RELN: variants seen among roughly 807,000 people sequenced by gnomAD.
The protein encoded by RELN is reelin.
In RELN, 108 loss-of-function variants were observed where a neutral mutation model predicts 427.6. The ratio of observed to expected loss-of-function variants is 0.25; its 90% CI spans 0.22 to 0.30. The LOEUF (loss-of-function observed/expected upper bound fraction) is 0.30. Among genes scored for constraint, RELN ranks in the 10% least tolerant of loss-of-function variants. RELN has a pLI of 1.00. For synonymous variants in RELN, 1,524 were observed against 1,513.4 expected, an observed-to-expected ratio of 1.01 and a Z score of -0.16; for missense variants, 3,715 against 4,302.8, an observed-to-expected ratio of 0.86 and a Z score of 3.82.
At chr7:103,869,731 T>C (rs914126771) in intron 2 of RELN, among the ~76,000 whole-genome samples, 1 of 152,162 alleles carries the variant, frequency 6.6e-6, no homozygotes, top group African/African-American at 2.4e-5. Flanking sequence ...ATGAATTTCT[T>C]TGTGACAAAA....
intron 31 of RELN, among the ~76,000 whole-genome samples, chr7:103,570,174 C>A (rs1031447189): frequency 2.0e-5 from 3 of 152,038 alleles, no homozygotes; most frequent in African/African-American, 7.2e-5. Context: ...TAAAAGGATC[C>A]TCAGGGAAAT....
chr7:103,734,990 T>C (rs10487167), intron 6 of RELN, among the ~76,000 whole-genome samples: 6,387 of 152,240 alleles, frequency 0.042, 194 homozygotes, highest in East Asian at 0.14. Flanking sequence ...ACGACAATCA[T>C]ATTCAGTACC....
chr7:103,915,231 A>C (rs1285432031), intron 2 of RELN, among the ~76,000 whole-genome samples: 4 of 152,020 alleles, frequency 2.6e-5, no homozygotes, highest in Non-Finnish European at 5.9e-5. Context: ...CTACTCCTTC[A>C]TAGCTCTACT....
At chr7:103,979,294 C>T (rs773345720) in intron 1 of RELN, among the ~76,000 whole-genome samples, 18 of 152,260 alleles carry the variant, frequency 1.2e-4, no homozygotes, top group East Asian at 1.9e-4. Context: ...CCTATACTAC[C>T]GGAGAATGAG....
intron 1 of RELN, among the ~76,000 whole-genome samples, chr7:103,977,447 A>G (rs1796904610): frequency 6.6e-6 from 1 of 152,058 alleles, no homozygotes; most frequent in African/African-American, 2.4e-5. Context: ...TCAGAAGAGA[A>G]GAAGGCATTT....
chr7:103,613,578 T>C lies in RELN; in HGVS notation c.2703-1775A>G, dbSNP rs1832011884. ...GGGTCTTTTAAGTAGGCAAAAGAAA[T>C]CCCAAATGCTTATCTCTGTAAGAAA... On this transcript the variant is annotated intron_variant, in intron 20 of 64. Transcript: ENST00000428762. 3.9e-5 allele frequency among the ~76,000 whole-genome samples: 6 copies of C among 152,292 alleles called. No individual in the cohort carries two copies. In the South Asian group the frequency reaches 1.2e-3, roughly 32 times the overall value.
chr7:103,865,416 G>A (rs905535857), intron 2 of RELN, among the ~76,000 whole-genome samples: 4 of 152,106 alleles, frequency 2.6e-5, no homozygotes, highest in Admixed American at 6.6e-5. Context: ...GCATTACCTC[G>A]ATACCAAAGC....
intron 8 of RELN, among the ~76,000 whole-genome samples, chr7:103,702,789 G>A (rs1834121624): frequency 6.6e-6 from 1 of 152,166 alleles, no homozygotes; most frequent in African/African-American, 2.4e-5. Context: ...ATAGTGATTA[G>A]TCAGTCTCCC....
At chr7:103,652,527 C>T (rs202041826) in intron 14 of RELN, 24 bp downstream of exon 14, 178 of 1,595,660 alleles carry the variant, frequency 1.1e-4, no homozygotes, top group Non-Finnish European at 1.5e-4. Flanking sequence ...TAGTTTTGCA[C>T]ACTTACAAAA....
intron 40 of RELN, among the ~76,000 whole-genome samples, chr7:103,553,199 T>C (rs1431225869): frequency 6.6e-6 from 1 of 152,208 alleles, no homozygotes; most frequent in Non-Finnish European, 1.5e-5. Context: ...TTTTCATTTT[T>C]ATAATGTTTA....
chr7:103,888,193 A>T (rs1429802782), intron 2 of RELN, among the ~76,000 whole-genome samples: 2 of 152,026 alleles, frequency 1.3e-5, no homozygotes, highest in Admixed American at 6.6e-5. Flanking sequence ...TGGTCTCCCA[A>T]ACTGACATCT....
chr7:103,856,294 T>C (rs1017374202), intron 2 of RELN, among the ~76,000 whole-genome samples: 3 of 151,824 alleles, frequency 2.0e-5, no homozygotes, highest in Non-Finnish European at 2.9e-5. Flanking sequence ...AAAGCAAATA[T>C]GGGCTGGGCG....
At position 103,573,322 on chromosome 7, in the gene RELN, G is replaced by A. The variant is rs1408233481; in HGVS notation, c.4511+770C>T. Among the ~76,000 whole-genome samples the A allele has an allele frequency of 6.6e-6, 1 of 152,174 alleles. No homozygotes were observed. Among genetic ancestry groups the A allele is most frequent in the Non-Finnish European group, 1.5e-5 (1 of 68,024 alleles). ...TAATTACCTGTCAGTTGCTGATTTAGACTCACTTGGCTAAATTTTTCACAG... is the reference window on the plus strand; with the variant it reads ...TAATTACCTGTCAGTTGCTGATTTAAACTCACTTGGCTAAATTTTTCACAG... On this transcript the variant is annotated intron_variant, in intron 30 of 64. Transcript: ENST00000428762. The surrounding 1 kb of genome is among the most constrained non-coding windows in gnomAD (Gnocchi z 4.4).
chr7:103,699,460 G>GAAAT (rs1834046115), intron 9 of RELN, among the ~76,000 whole-genome samples: 1 of 152,104 alleles, frequency 6.6e-6, no homozygotes, highest in Non-Finnish European at 1.5e-5. Context: ...ACTGGTAAGG[G>GAAAT]AAATTTGCAT....
chr7:103,938,436 C>G (rs1184402179), intron 1 of RELN, among the ~76,000 whole-genome samples: 1 of 152,074 alleles, frequency 6.6e-6, no homozygotes, highest in East Asian at 1.9e-4. Context: ...ACTGAATAGC[C>G]AACTGTAAAA....
At chr7:103,613,522 T>C (rs1261601283) in intron 20 of RELN, among the ~76,000 whole-genome samples, 8 of 152,314 alleles carry the variant, frequency 5.3e-5, no homozygotes, top group South Asian at 2.1e-4. Flanking sequence ...TAGTAAGCCA[T>C]AGAGGCACAC....
At chr7:103,748,139 G>GTTT (rs11307252) in intron 6 of RELN, among the ~76,000 whole-genome samples, 3 of 135,166 alleles carry the variant, frequency 2.2e-5, no homozygotes, top group Admixed American at 7.3e-5. Context: ...ACTTAGAAAG[G>GTTT]TTTTTTTTTT....
chr7:103,576,664 A>G lies in RELN; in HGVS notation c.4146-959T>C, dbSNP rs1394162690. Among the ~76,000 whole-genome samples the G allele has an allele frequency of 2.6e-5, 4 of 152,218 alleles. No individual in the cohort carries two copies. The East Asian group carries it at 7.7e-4, about 29-fold the overall frequency. On this transcript the variant is annotated intron_variant, in intron 28 of 64. Coordinates refer to ENST00000428762, the MANE Select transcript of RELN (RefSeq NM_005045.4). Reference sequence around the variant, plus strand: ...TGGCTATTTGCTATTGACATGCTTCAGGCAGGGAAGAGTTAAGTTTGTACC... The same window carrying G: ...TGGCTATTTGCTATTGACATGCTTCGGGCAGGGAAGAGTTAAGTTTGTACC...
At chr7:103,857,863 T>C (rs138393886) in intron 2 of RELN, among the ~76,000 whole-genome samples, 101 of 152,198 alleles carry the variant, frequency 6.6e-4, no homozygotes, top group African/African-American at 2.3e-3. Flanking sequence ...GGGAAGGAAT[T>C]GGGGGAAAAA....
Sources: gnomAD v4.1 joint callset for allele counts (sites outside exome capture counted in the v4.1 genomes callset) on GRCh38, gnomAD v4.1.1 for gene constraint, Gnocchi (gnomAD v3.1) non-coding constraint, MANE v1.5 for transcripts, NCBI Gene and HGNC (gene_info 2026-07-23, HGNC 2026-07-21) for gene names.